WDR72: variants seen among roughly 807,000 people sequenced by gnomAD.
WDR72 encodes WD repeat domain 72.
In WDR72, 120 loss-of-function variants were observed where a neutral mutation model predicts 124.2. That is an observed-to-expected ratio of 0.97 (90% CI 0.83 to 1.12). The LOEUF (loss-of-function observed/expected upper bound fraction) is 1.12. Among genes scored for constraint, WDR72 ranks in the 50% most tolerant of loss-of-function variants. WDR72 has a pLI of 0.00. For synonymous variants in WDR72, 452 were observed against 441.7 expected (o/e 1.02, Z -0.29); for missense variants, 1,387 against 1,278.8 (o/e 1.08, Z -1.29).
intron 13 of WDR72, among the ~76,000 whole-genome samples, chr15:53,678,918 A>G (rs1180961532): frequency 6.6e-6 from 1 of 152,246 alleles, no homozygotes; most frequent in African/African-American, 2.4e-5. Flanking sequence ...TGTCCATCAA[A>G]TAATGAATGG....
chr15:53,584,417 T>C (rs1217954235), intron 18 of WDR72, among the ~76,000 whole-genome samples: 1 of 151,966 alleles, frequency 6.6e-6, no homozygotes, highest in African/African-American at 2.4e-5. Flanking sequence ...CCCTATGTAA[T>C]GTCAACAAAA....
At chr15:53,527,011 G>T (rs1032990924) in intron 18 of WDR72, among the ~76,000 whole-genome samples, 3 of 152,098 alleles carry the variant, frequency 2.0e-5, no homozygotes, top group Non-Finnish European at 4.4e-5. Context: ...AGCTAGAGAA[G>T]AGAGGAATCT....
chr15:53,610,297 T>C (rs1303750746), intron 16 of WDR72, among the ~76,000 whole-genome samples: 2 of 152,064 alleles, frequency 1.3e-5, no homozygotes, highest in African/African-American at 2.4e-5. Context: ...AAGTACTTAA[T>C]AAGTGCCTTT....
chr15:53,762,750 T>G (rs140824669), upstream of WDR72: 17 of 152,350 alleles, frequency 1.1e-4, no homozygotes, highest in East Asian at 3.3e-3. Context: ...GCTAGCTTAG[T>G]GGTCTTAGAG....
At chr15:53,660,454 G>T (rs1397291473) in intron 14 of WDR72, among the ~76,000 whole-genome samples, 3 of 151,988 alleles carry the variant, frequency 2.0e-5, no homozygotes. Flanking sequence ...GTAGTAGTGG[G>T]ATCAAATTTT....
chr15:53,681,777 T>C (rs1030435962), intron 13 of WDR72, among the ~76,000 whole-genome samples: 15 of 152,094 alleles, frequency 9.9e-5, no homozygotes, highest in Non-Finnish European at 1.6e-4. Flanking sequence ...ATGCCTAATA[T>C]ATATTAAGAT....
chr15:53,698,698 G>T (rs1356587620), intron 13 of WDR72, among the ~76,000 whole-genome samples: 2 of 152,110 alleles, frequency 1.3e-5, no homozygotes, highest in Admixed American at 6.5e-5. Context: ...CCCTAATTTT[G>T]TGTATATTGT....
At chr15:53,538,329 G>A (rs887354434) in intron 18 of WDR72, among the ~76,000 whole-genome samples, 4 of 152,122 alleles carry the variant, frequency 2.6e-5, no homozygotes, top group Non-Finnish European at 5.9e-5. Context: ...ACCATCACTT[G>A]TGCATGGTTC....
chr15:53,581,111 T>C (rs2011898256), intron 18 of WDR72, among the ~76,000 whole-genome samples: 1 of 152,070 alleles, frequency 6.6e-6, no homozygotes, highest in Admixed American at 6.6e-5. Flanking sequence ...TCAAGATTAA[T>C]CTCTGTGCTT....
Position 53,615,831 on chromosome 15 carries a change from A to T in WDR72, c.2375T>A (p.Ile792Lys), listed in dbSNP as rs758899508. The T allele has an allele frequency of 1.2e-6, 2 of 1,613,522 alleles. No individual in the cohort carries two copies. The highest frequency in any genetic ancestry group is 2.7e-5 in the African/African-American group (2 of 74,888). ...PSRKVDASLT[I>K]DTAKLFLSCL... ...AGACAGAAACAATTTTGCTGTGTCT[A>T]TTGTGAGACTGGCATCTACTTTTCT... Residue 792 changes from isoleucine (I) to lysine (K), a missense_variant, in exon 15 of 20, where the codon ATA (isoleucine) becomes AAA (lysine). Coordinates refer to ENST00000360509, the MANE Select transcript of WDR72 (RefSeq NM_182758.4).
intron 14 of WDR72, among the ~76,000 whole-genome samples, chr15:53,622,405 G>C (rs1234298234): frequency 6.6e-6 from 1 of 151,972 alleles, no homozygotes; most frequent in East Asian, 1.9e-4. Context: ...GACTGGATAA[G>C]GAGAAAGTGG....
intron 18 of WDR72, among the ~76,000 whole-genome samples, chr15:53,551,855 G>GACACACAC (rs148675620): frequency 4.7e-5 from 7 of 149,568 alleles, no homozygotes; most frequent in Non-Finnish European, 7.4e-5. Context: ...AGAATACACA[G>GACACACAC]ACACACACAC....
chr15:53,598,422 C>T (rs192850003), intron 17 of WDR72, among the ~76,000 whole-genome samples: 20 of 152,136 alleles, frequency 1.3e-4, no homozygotes, highest in Middle Eastern at 3.4e-3. Context: ...GAGACAACAC[C>T]GAGAGTGGTG....
intron 17 of WDR72, among the ~76,000 whole-genome samples, chr15:53,606,627 G>A (rs553548170): frequency 1.2e-4 from 18 of 152,272 alleles, no homozygotes; most frequent in African/African-American, 4.3e-4. Flanking sequence ...TAGATGACTG[G>A]GGTTGGGTAG....
chr15:53,759,963 C>A (rs2019029874), upstream of WDR72, among the ~76,000 whole-genome samples: 2 of 150,802 alleles, frequency 1.3e-5, no homozygotes, highest in Admixed American at 1.3e-4. Context: ...ATCAAAAGAG[C>A]CCAGGTGACG....
chr15:53,563,686 TA>T lies in WDR72; in HGVS notation c.3148+33392del, dbSNP rs1384601730. Among the ~76,000 whole-genome samples, 7 of 151,890 alleles carry T rather than the reference TA, an allele frequency of 4.6e-5. 1 individual carries two copies. The South Asian group carries it at 1.2e-3, about 27-fold the overall frequency. ...GAACACAATTTTTAAGATTTTTTTT[TA>T]ATCTGAAATACTGTTCTTGCAGAAT... On this transcript the variant is annotated intron_variant, in intron 18 of 19. Coordinates refer to ENST00000360509, the MANE Select transcript of WDR72 (RefSeq NM_182758.4).
intron 17 of WDR72, among the ~76,000 whole-genome samples, chr15:53,603,002 C>G (rs1270224337): frequency 6.6e-6 from 1 of 152,098 alleles, no homozygotes; most frequent in African/African-American, 2.4e-5. Flanking sequence ...CCAGCATCAT[C>G]CTGATACAAA....
intron 18 of WDR72, among the ~76,000 whole-genome samples, chr15:53,563,208 G>C (rs1308615257): frequency 6.6e-6 from 1 of 151,678 alleles, no homozygotes; most frequent in South Asian, 2.1e-4. Context: ...GTGTTTACAT[G>C]AATCAGTTTC....
intron 19 of WDR72, among the ~76,000 whole-genome samples, chr15:53,519,909 C>T (rs1170188368): frequency 1.3e-5 from 2 of 152,024 alleles, no homozygotes; most frequent in Non-Finnish European, 2.9e-5. Context: ...TAAAAATAAA[C>T]AATCTACATA....
Sources: gnomAD v4.1 joint callset for allele counts (sites outside exome capture counted in the v4.1 genomes callset) on GRCh38, gnomAD v4.1.1 for gene constraint, MANE v1.5 for transcripts, NCBI Gene and HGNC (gene_info 2026-07-23, HGNC 2026-07-21) for gene names.